Variants in ELOVL2 observed in about 807,000 individuals in gnomAD.
The protein encoded by ELOVL2 is ELOVL fatty acid elongase 2.
A neutral mutation model predicts 37.7 loss-of-function variants in ELOVL2; 38 were observed. That is an observed-to-expected ratio of 1.01 (90% confidence interval 0.78 to 1.32). The LOEUF (loss-of-function observed/expected upper bound fraction) is 1.32, where lower values mean the gene tolerates loss of function less well. Ranked by LOEUF, ELOVL2 falls within the 40% of genes most tolerant of loss-of-function variation. ELOVL2 has a pLI of 0.00. For missense variants in ELOVL2, 352 were observed against 363.6 expected (o/e 0.97, Z 0.26); for synonymous variants, 115 against 122.3 (o/e 0.94, Z 0.40).
chr6:10,982,935 G>A lies in ELOVL2; in HGVS notation c.*846C>T, dbSNP rs1467134004. 1.3e-5 allele frequency: 2 copies of A among 152,198 alleles called. No individual in the cohort carries two copies. Among genetic ancestry groups the A allele is most frequent in the Non-Finnish European group, 2.9e-5 (2 of 68,060 alleles). 9.4% of individuals were successfully genotyped at this position (152,198 alleles called of 1,614,324 possible). ...ATGTTCAAAGAAAAAGGTCGGAGTG[G>A]ACTCCAGTGCTTGCTCAGAAAGTAA... On this transcript the variant is annotated 3_prime_UTR_variant, in exon 8 of 8. Transcript: ENST00000354666.
Position 11,044,198 on chromosome 6 carries a change from G to C in ELOVL2, c.3+30C>G. On this transcript the variant is annotated intron_variant, in intron 1 of 7. Coordinates refer to ENST00000354666, the MANE Select transcript of ELOVL2 (RefSeq NM_017770.4). The surrounding 1 kb of genome is among the most constrained non-coding windows in gnomAD (Gnocchi z 5.6). Reference sequence around the variant, plus strand: ...TCCAGGAGAGAAAGAAAGCGCGGCGGTGTCGGTGGCGGCGCGCGGCCCCAC... The same window carrying C: ...TCCAGGAGAGAAAGAAAGCGCGGCGCTGTCGGTGGCGGCGCGCGGCCCCAC... The C allele has an allele frequency of 6.9e-7, 1 of 1,454,812 alleles. No homozygotes were observed. The highest frequency in any genetic ancestry group is 9.1e-7 in the Non-Finnish European group (1 of 1,102,310). The allele number at this position is 1,454,812 out of a possible 1,614,324, so 90.1% of individuals were successfully genotyped here.
At chr6:11,012,761 T>C (rs1257136590) in intron 1 of ELOVL2, among the ~76,000 whole-genome samples, 1 of 152,224 alleles carries the variant, frequency 6.6e-6, no homozygotes, top group Non-Finnish European at 1.5e-5. Flanking sequence ...ATTCATTAAT[T>C]TATTGATTCA....
chr6:11,011,452 T>G (rs111973628), intron 1 of ELOVL2, among the ~76,000 whole-genome samples: 2,838 of 152,204 alleles, frequency 0.019, 83 homozygotes, highest in African/African-American at 0.065. Context: ...AGCTGTTCCA[T>G]AAGCAACTTC....
At chr6:11,022,498 C>CTGGGTA (rs1170939139) in intron 1 of ELOVL2, among the ~76,000 whole-genome samples, 13 of 152,206 alleles carry the variant, frequency 8.5e-5, no homozygotes, top group Non-Finnish European at 1.8e-4. Flanking sequence ...AAAAAACTCT[C>CTGGGTA]TGGGTATGGG....
rs911843257 is a variant in ELOVL2, at chr6:10,982,317, C to T, written c.*1464G>A. The T allele has an allele frequency of 5.3e-5, 8 of 152,038 alleles. No individual in the cohort carries two copies. The highest frequency in any genetic ancestry group is 1.9e-4 in the African/African-American group (8 of 41,400). 9.4% of individuals were successfully genotyped at this position (152,038 alleles called of 1,614,324 possible). On this transcript the variant is annotated 3_prime_UTR_variant, in exon 8 of 8. Coordinates refer to ENST00000354666, the MANE Select transcript of ELOVL2 (RefSeq NM_017770.4). ...GAAAAAAAGCCGAGAGAGAAAGGCA[C>T]TCTGGACGCTAATGAGTGGGGACGG...
At chr6:11,012,739 T>C (rs1038900831) in intron 1 of ELOVL2, among the ~76,000 whole-genome samples, 3 of 152,224 alleles carry the variant, frequency 2.0e-5, no homozygotes, top group Non-Finnish European at 4.4e-5. Context: ...AAAAGAGGCA[T>C]TCCATTCCTT....
At chr6:11,038,115 T>C (rs1561730321) in intron 1 of ELOVL2, among the ~76,000 whole-genome samples, 2 of 152,354 alleles carry the variant, frequency 1.3e-5, no homozygotes, top group East Asian at 3.9e-4. Context: ...GGGCAAATTA[T>C]TTATCTTCTT....
At chr6:11,016,285 G>A (rs1431348315) in intron 1 of ELOVL2, among the ~76,000 whole-genome samples, 2 of 139,858 alleles carry the variant, frequency 1.4e-5, no homozygotes, top group African/African-American at 5.1e-5. Context: ...TGTTTGCCCT[G>A]TTTTGTTGAT....
At chr6:10,989,215 G>A (rs1782101121) in intron 7 of ELOVL2, among the ~76,000 whole-genome samples, 1 of 152,226 alleles carries the variant, frequency 6.6e-6, no homozygotes, top group African/African-American at 2.4e-5. Context: ...ATTATTAACT[G>A]TGGTTACCCT....
intron 1 of ELOVL2, among the ~76,000 whole-genome samples, chr6:11,011,509 T>G (rs776273635): frequency 9.9e-5 from 15 of 152,210 alleles, no homozygotes; most frequent in Non-Finnish European, 1.0e-4. Flanking sequence ...AACATCTGTT[T>G]CCACAAAATA....
In ELOVL2 at chr6:10,992,804, A is replaced by ACC. The variant is rs201000857; in HGVS notation, c.505+2202_505+2203insGG. 2.8e-3 allele frequency among the ~76,000 whole-genome samples: 392 copies of ACC among 138,852 alleles called. 2 individuals carry two copies. The highest frequency in any genetic ancestry group is 9.7e-3 in the African/African-American group (373 of 38,376). The allele number at this position is 138,852 out of a possible 152,430, so 91.1% of individuals were successfully genotyped here. On this transcript the variant is annotated intron_variant, in intron 5 of 7. Transcript: ENST00000354666. ...TCCATCTCAAAAAAAACAAAACAAA[A>ACC]AAAAACAAAAAAAAACAGGATTAAA...
intron 3 of ELOVL2, 99 bp from the exon 4 acceptor site, chr6:11,000,263 T>G: frequency 1.8e-6 from 2 of 1,126,604 alleles, no homozygotes; most frequent in Non-Finnish European, 2.6e-6. Context: ...TGTTCAAGGT[T>G]TGAGTAGGAA....
At chr6:11,031,131 G>C (rs1782924415) in intron 1 of ELOVL2, among the ~76,000 whole-genome samples, 1 of 152,022 alleles carries the variant, frequency 6.6e-6, no homozygotes, top group Admixed American at 6.6e-5. Context: ...CTCATTCACT[G>C]TAACTGTTGT....
intron 1 of ELOVL2, among the ~76,000 whole-genome samples, chr6:11,037,614 A>C (rs944105688): frequency 6.6e-6 from 1 of 151,714 alleles, no homozygotes; most frequent in Non-Finnish European, 1.5e-5. Flanking sequence ...TACCAGCCAC[A>C]TGCTCAGTAC....
intron 3 of ELOVL2, among the ~76,000 whole-genome samples, chr6:11,004,342 T>C (rs1782443393): frequency 6.6e-6 from 1 of 152,142 alleles, no homozygotes; most frequent in Admixed American, 6.5e-5. Flanking sequence ...TATCCACCGC[T>C]TATAGCTTGT....
chr6:11,030,640 C>T (rs994115116), intron 1 of ELOVL2, among the ~76,000 whole-genome samples: 1 of 151,840 alleles, frequency 6.6e-6, no homozygotes, highest in East Asian at 1.9e-4. Flanking sequence ...TACAGGCGCC[C>T]GCCACCACGC....
At chr6:11,031,237 A>T (rs978515808) in intron 1 of ELOVL2, among the ~76,000 whole-genome samples, 3 of 152,220 alleles carry the variant, frequency 2.0e-5, no homozygotes, top group African/African-American at 7.2e-5. Context: ...GCTATTACAA[A>T]AAATGCTGCT....
At chr6:11,032,076 T>G (rs1421224778) in intron 1 of ELOVL2, among the ~76,000 whole-genome samples, 2 of 152,150 alleles carry the variant, frequency 1.3e-5, no homozygotes, top group Non-Finnish European at 2.9e-5. Flanking sequence ...GAACTAAAAG[T>G]CAAAGACTTG....
Position 11,044,143 on chromosome 6 carries a change from C to G in ELOVL2, c.3+85G>C. On this transcript the variant is annotated intron_variant, in intron 1 of 7. Coordinates refer to ENST00000354666, the MANE Select transcript of ELOVL2 (RefSeq NM_017770.4). The surrounding 1 kb of genome is among the most constrained non-coding windows in gnomAD (Gnocchi z 5.6). ...AACCCGCAGCGCCCGCGCCGGCGCCCGCTCGGCCCTTTCCCGCCCGGTGCG... is the reference window on the plus strand; with the variant it reads ...AACCCGCAGCGCCCGCGCCGGCGCCGGCTCGGCCCTTTCCCGCCCGGTGCG... 1 of 1,386,008 alleles carries G rather than the reference C, an allele frequency of 7.2e-7. No homozygotes were observed. 85.9% of individuals were successfully genotyped at this position (1,386,008 alleles called of 1,614,324 possible).
Sources: gnomAD v4.1 joint callset for allele counts (sites outside exome capture counted in the v4.1 genomes callset) on GRCh38, gnomAD v4.1.1 for gene constraint, Gnocchi (gnomAD v3.1) non-coding constraint, MANE v1.5 for transcripts, NCBI Gene and HGNC (gene_info 2026-07-23, HGNC 2026-07-21) for gene names.